The following CDK14 variants were observed in gnomAD, a reference collection of about 807,000 sequenced individuals.
CDK14 encodes cyclin dependent kinase 14, also known as cyclin-dependent kinase 14.
A neutral mutation model predicts 60.7 loss-of-function variants in CDK14; 34 were observed. The ratio of observed to expected loss-of-function variants is 0.56; its 90% confidence interval spans 0.43 to 0.75. CDK14 has a LOEUF of 0.75. Among genes scored for constraint, CDK14 ranks in the 30% least tolerant of loss-of-function variants. The pLI is 0.00. For missense variants in CDK14, 482 were observed against 564.1 expected, an observed-to-expected ratio of 0.85 and a Z score of 1.47; for synonymous variants, 197 against 203.7, an observed-to-expected ratio of 0.97 and a Z score of 0.28.
Position 90,957,978 on chromosome 7 carries a change from G to T in CDK14, c.947+2161G>T, listed in dbSNP as rs886067382. 2.0e-5 allele frequency among the ~76,000 whole-genome samples: 3 copies of T among 152,110 alleles called. 1 individual carries two copies. Among genetic ancestry groups the T allele is most frequent in the Non-Finnish European group, 4.4e-5 (3 of 68,022 alleles). ...GGAGTCATTTTCCCTGAATGATTAT[G>T]CCCCCATATGTAGAATTCCACTGTG... On this transcript the variant is annotated intron_variant, in intron 9 of 14. Coordinates refer to ENST00000380050, the MANE Select transcript of CDK14 (RefSeq NM_001287135.2).
At chr7:90,815,105 A>G (rs1373544878) in intron 5 of CDK14, among the ~76,000 whole-genome samples, 1 of 152,178 alleles carries the variant, frequency 6.6e-6, no homozygotes, top group Non-Finnish European at 1.5e-5. Context: ...ACTACATTGT[A>G]CTTTATGATA....
intron 7 of CDK14, among the ~76,000 whole-genome samples, chr7:90,908,133 A>G (rs964767874): frequency 6.6e-6 from 1 of 152,074 alleles, no homozygotes; most frequent in Non-Finnish European, 1.5e-5. Flanking sequence ...TTTTCATCCT[A>G]TTTTTATTAT....
At chr7:90,811,406 C>T (rs1583996823) in intron 5 of CDK14, among the ~76,000 whole-genome samples, 2 of 152,090 alleles carry the variant, frequency 1.3e-5, no homozygotes, top group Non-Finnish European at 2.9e-5. Flanking sequence ...GGAAAACTGG[C>T]TAGCCATATG....
chr7:91,186,345 A>G (rs1802193469), intron 14 of CDK14, among the ~76,000 whole-genome samples: 1 of 140,734 alleles, frequency 7.1e-6, no homozygotes, highest in Non-Finnish European at 1.5e-5. Context: ...CATTTTATGG[A>G]TATACCACAT....
chr7:91,010,823 TCCTTCCTTCCTCCCTCCCTCCCTC>T (rs1430564618), intron 10 of CDK14, among the ~76,000 whole-genome samples: 12 of 75,482 alleles, frequency 1.6e-4, no homozygotes, highest in African/African-American at 5.0e-4. Context: ...CTTCCTTCCT[TCCTTCCTTCCTCCCTCCCTCCCTC>T]CCTCCCTCCC....
chr7:91,074,534 A>G (rs1260728249), intron 11 of CDK14, among the ~76,000 whole-genome samples: 1 of 152,218 alleles, frequency 6.6e-6, no homozygotes, highest in East Asian at 1.9e-4. Context: ...CTAAATGCTC[A>G]CATCAGAAAG....
At chr7:91,059,949 C>T (rs970070679) in intron 11 of CDK14, among the ~76,000 whole-genome samples, 1 of 152,098 alleles carries the variant, frequency 6.6e-6, no homozygotes, top group African/African-American at 2.4e-5. Flanking sequence ...AGTTCAATTC[C>T]TGGGTATCCT....
At chr7:91,110,452 T>C (rs1799438748) in intron 12 of CDK14, among the ~76,000 whole-genome samples, 1 of 152,152 alleles carries the variant, frequency 6.6e-6, no homozygotes, top group Admixed American at 6.5e-5. Flanking sequence ...TCAGATGTGA[T>C]TCATGGCTTC....
At position 90,811,601 on chromosome 7, in the gene CDK14, G is replaced by A. The variant is rs1023844212; in HGVS notation, c.544+20949G>A. Among the ~76,000 whole-genome samples the A allele has an allele frequency of 4.0e-5, 6 of 151,492 alleles. 1 individual carries two copies. Among genetic ancestry groups the A allele is most frequent in the Admixed American group, 3.9e-4 (6 of 15,208 alleles). ...AACACCAAAAGCAATGGCAACAAAA[G>A]CCAAAATTGACAAATGGGATCTAAT... On this transcript the variant is annotated intron_variant, in intron 5 of 14. Transcript: ENST00000380050.
At chr7:91,141,447 C>T (rs1341125238) in intron 14 of CDK14, among the ~76,000 whole-genome samples, 1 of 151,984 alleles carries the variant, frequency 6.6e-6, no homozygotes, top group East Asian at 1.9e-4. Flanking sequence ...GTTGATATAG[C>T]AACAGAGAGA....
intron 1 of CDK14, among the ~76,000 whole-genome samples, chr7:90,598,706 T>TTGTTTG (rs201725380): frequency 1.0e-5 from 1 of 99,394 alleles, no homozygotes; most frequent in Non-Finnish European, 2.2e-5. Flanking sequence ...ATCTAAGGAT[T>TTGTTTG]TTTTTTTTTT....
chr7:91,033,301 G>A (rs2115950259), intron 10 of CDK14, among the ~76,000 whole-genome samples: 1 of 152,300 alleles, frequency 6.6e-6, no homozygotes, highest in South Asian at 2.1e-4. Context: ...ATCAGTGGTA[G>A]CTCCTGACAC....
At chr7:91,094,045 G>A (rs1798909370) in intron 12 of CDK14, among the ~76,000 whole-genome samples, 1 of 152,094 alleles carries the variant, frequency 6.6e-6, no homozygotes, top group South Asian at 2.1e-4. Flanking sequence ...AGGGGTAAAA[G>A]GGTTGAACAA....
intron 3 of CDK14, among the ~76,000 whole-genome samples, chr7:90,743,386 AG>A (rs1803433547): frequency 6.6e-6 from 1 of 152,172 alleles, no homozygotes; most frequent in Non-Finnish European, 1.5e-5. Context: ...GTTCAGAAAA[AG>A]CAACTTGAAA....
rs544289065 is a variant in CDK14, at chr7:90,695,509, C to A, written c.124-31058C>A. On this transcript the variant is annotated intron_variant, in intron 2 of 14. Transcript: ENST00000380050. ...TTGGCCCTGGAGATTTGAGATTGAG[C>A]AAAATAGACAAATCTCTGCCACCAA... is the stretch of plus-strand genomic sequence containing the variant. Among the ~76,000 whole-genome samples the A allele has an allele frequency of 2.0e-5, 3 of 152,190 alleles. No homozygotes were observed. In the South Asian group the frequency reaches 6.2e-4, roughly 32 times the overall value.
At chr7:90,798,416 T>C (rs906092131) in intron 5 of CDK14, among the ~76,000 whole-genome samples, 9 of 152,200 alleles carry the variant, frequency 5.9e-5, no homozygotes, top group African/African-American at 1.7e-4. Context: ...TGGTAGAATT[T>C]GAAATATTTA....
chr7:90,753,680 A>G (rs1803938184), intron 4 of CDK14, among the ~76,000 whole-genome samples: 1 of 152,202 alleles, frequency 6.6e-6, no homozygotes, highest in South Asian at 2.1e-4. Flanking sequence ...TCCAAATAAG[A>G]AATCAAGTGA....
intron 6 of CDK14, among the ~76,000 whole-genome samples, chr7:90,887,122 A>T (rs1015937973): frequency 6.6e-6 from 1 of 152,132 alleles, no homozygotes; most frequent in Non-Finnish European, 1.5e-5. Context: ...GTTTGCTGTT[A>T]AGAGAGCTAC....
intron 4 of CDK14, among the ~76,000 whole-genome samples, chr7:90,790,019 A>G (rs943771259): frequency 3.9e-5 from 6 of 151,998 alleles, no homozygotes; most frequent in Non-Finnish European, 7.4e-5. Flanking sequence ...ACATACTGTA[A>G]TATAAAGCAC....
Sources: allele counts gnomAD v4.1 joint callset (sites outside exome capture counted in the v4.1 genomes callset), GRCh38; gene constraint gnomAD v4.1.1; transcripts MANE v1.5; gene names NCBI Gene and HGNC (gene_info 2026-07-23, HGNC 2026-07-21).